Variants in TP63 observed in about 807,000 individuals in gnomAD.
TP63 encodes tumor protein p63, also known as tumor protein 63.
In TP63, 17 loss-of-function variants were observed where a neutral mutation model predicts 82.8. That is an observed-to-expected ratio of 0.21 (90% CI 0.14 to 0.31). The LOEUF is 0.31. TP63 is among the 10% of genes least tolerant of loss of function. TP63 has a pLI of 1.00. For missense variants in TP63, 648 were observed against 895.3 expected, an observed-to-expected ratio of 0.72 and a Z score of 3.52; for synonymous variants, 330 against 321.7, an observed-to-expected ratio of 1.03 and a Z score of -0.28.
At chr3:189,640,101 T>TA (rs756008110) in intron 1 of TP63, among the ~76,000 whole-genome samples, 6 of 152,138 alleles carry the variant, frequency 3.9e-5, no homozygotes, top group Non-Finnish European at 7.4e-5. Context: ...ATTTACTTCT[T>TA]AACTACATAA....
intron 3 of TP63, among the ~76,000 whole-genome samples, chr3:189,744,725 G>T (rs1337721332): frequency 6.6e-6 from 1 of 152,178 alleles, no homozygotes; most frequent in East Asian, 1.9e-4. Flanking sequence ...CATGCCAGCT[G>T]CCCAGGGGCT....
At chr3:189,845,279 T>C (rs1001372029) in intron 4 of TP63, among the ~76,000 whole-genome samples, 5 of 152,210 alleles carry the variant, frequency 3.3e-5, no homozygotes, top group African/African-American at 1.2e-4. Flanking sequence ...CATTTCCTGT[T>C]TGTGACTAGT....
chr3:189,617,645 T>C, the TP63 span, among the ~76,000 whole-genome samples: 10 of 152,346 alleles, frequency 6.6e-5, no homozygotes, highest in African/African-American at 2.2e-4. Flanking sequence ...TGTTTAATGA[T>C]GGCATTAACA....
rs563266877 is a variant in TP63 at position 189,726,548 on chromosome 3, G to C, written c.63-11192G>C. On this transcript the variant is annotated intron_variant, in intron 1 of 13. Transcript: ENST00000264731. ...GAATCATATCTTTGTGATATATCAT[G>C]CTTTATGAATTGGGTCACCATCCCA... Among the ~76,000 whole-genome samples the C allele has an allele frequency of 1.2e-3, 180 of 152,236 alleles. 1 individual carries two copies. The highest frequency in any genetic ancestry group is 6.8e-3 in the Middle Eastern group (2 of 294).
At chr3:189,813,665 A>G (rs972745561) in intron 4 of TP63, among the ~76,000 whole-genome samples, 8 of 151,878 alleles carry the variant, frequency 5.3e-5, no homozygotes, top group Admixed American at 2.0e-4. Flanking sequence ...CCCTTGGGAC[A>G]TAGGATCACT....
At chr3:189,734,256 C>G (rs755503874) in intron 1 of TP63, among the ~76,000 whole-genome samples, 1 of 149,328 alleles carries the variant, frequency 6.7e-6, no homozygotes, top group Non-Finnish European at 1.5e-5. Flanking sequence ...ACTGCCACCT[C>G]TGCCTCTTGG....
At chr3:189,745,708 CAA>C (rs71298529) in intron 3 of TP63, among the ~76,000 whole-genome samples, 194 of 17,726 alleles carry the variant, frequency 0.011, no homozygotes, top group Non-Finnish European at 0.015. Flanking sequence ...AACTCCATCT[CAA>C]AAAAAAAAAA....
chr3:189,639,886 T>G (rs1711665958), intron 1 of TP63, among the ~76,000 whole-genome samples: 1 of 152,170 alleles, frequency 6.6e-6, no homozygotes, highest in Non-Finnish European at 1.5e-5. Context: ...AAGTCAAGTA[T>G]ATTATGCCTT....
chr3:189,880,671 T>G, intron 10 of TP63: 1 of 985,462 alleles, frequency 1.0e-6, no homozygotes, highest in Non-Finnish European at 1.2e-6. Context: ...AGTCAGACCC[T>G]TTTAATGCTG....
chr3:189,676,990 C>G (rs1715457997), intron 1 of TP63, among the ~76,000 whole-genome samples: 1 of 149,644 alleles, frequency 6.7e-6, no homozygotes, highest in African/African-American at 2.5e-5. Context: ...AACCCTCCCA[C>G]CCTCCCAAAT....
At chr3:189,783,818 C>T (rs1202562662) in intron 3 of TP63, among the ~76,000 whole-genome samples, 2 of 151,774 alleles carry the variant, frequency 1.3e-5, no homozygotes, top group Non-Finnish European at 2.9e-5. Context: ...CCTCTCAGTG[C>T]TGTAGTAGTT....
intron 4 of TP63, among the ~76,000 whole-genome samples, chr3:189,828,051 G>C (rs1032321671): frequency 6.6e-6 from 1 of 152,090 alleles, no homozygotes; most frequent in Non-Finnish European, 1.5e-5. Flanking sequence ...GACCAGCCTG[G>C]CTGATATGAT....
At chr3:189,736,990 A>G (rs1720640888) in intron 1 of TP63, among the ~76,000 whole-genome samples, 1 of 152,152 alleles carries the variant, frequency 6.6e-6, no homozygotes, top group Non-Finnish European at 1.5e-5. Context: ...TCCTCCAAAT[A>G]TATAGGAATA....
chr3:189,680,588 A>T (rs1236704389), intron 1 of TP63, among the ~76,000 whole-genome samples: 1 of 152,200 alleles, frequency 6.6e-6, no homozygotes, highest in African/African-American at 2.4e-5. Flanking sequence ...ATACACCATG[A>T]TCAAATGGGA....
intron 3 of TP63, among the ~76,000 whole-genome samples, chr3:189,788,920 A>G (rs1439541778): frequency 1.3e-5 from 2 of 149,382 alleles, no homozygotes; most frequent in Non-Finnish European, 3.0e-5. Flanking sequence ...AAATATTCAA[A>G]TAGATAAGCG....
At chr3:189,783,489 A>AT in intron 3 of TP63, among the ~76,000 whole-genome samples, 1 of 152,068 alleles carries the variant, frequency 6.6e-6, no homozygotes, top group South Asian at 2.1e-4. Flanking sequence ...AAATACATGT[A>AT]TTTTTAAAAA....
intron 3 of TP63, among the ~76,000 whole-genome samples, chr3:189,774,565 C>G (rs1723634808): frequency 6.6e-6 from 1 of 152,176 alleles, no homozygotes; most frequent in Admixed American, 6.5e-5. Context: ...TTTTGGTCAT[C>G]TCAATATAGT....
chr3:189,849,591 A>G (rs1715366335), intron 4 of TP63, among the ~76,000 whole-genome samples: 1 of 152,094 alleles, frequency 6.6e-6, no homozygotes, highest in Non-Finnish European at 1.5e-5. Context: ...AACATCCTCC[A>G]AGCTAAATAG....
At chr3:189,759,714 T>C (rs756491493) in intron 3 of TP63, among the ~76,000 whole-genome samples, 15 of 152,072 alleles carry the variant, frequency 9.9e-5, no homozygotes, top group Non-Finnish European at 2.1e-4. Context: ...AGATAAGGAG[T>C]TGTGGAGGCC....
Sources: gnomAD v4.1 joint callset for allele counts (sites outside exome capture counted in the v4.1 genomes callset) on GRCh38, gnomAD v4.1.1 for gene constraint, MANE v1.5 for transcripts, NCBI Gene and HGNC (gene_info 2026-07-23, HGNC 2026-07-21) for gene names.